Variants in WDFY1 observed in about 807,000 individuals in gnomAD.
The protein encoded by WDFY1 is WD repeat and FYVE domain-containing protein 1.
WDFY1 carries 32 observed loss-of-function variants against 56.4 expected under a neutral mutation model. The observed-to-expected ratio is 0.57, with a 90% CI of 0.43 to 0.76. The LOEUF is 0.76. Among genes scored for constraint, WDFY1 ranks in the 30% least tolerant of loss-of-function variants. WDFY1 has a pLI of 0.00. For synonymous variants in WDFY1, 192 were observed against 197.3 expected (o/e 0.97, Z 0.23); for missense variants, 480 against 545.7 (o/e 0.88, Z 1.20).
intron 1 of WDFY1, among the ~76,000 whole-genome samples, chr2:223,942,823 C>T (rs1457916694): frequency 2.0e-5 from 3 of 148,850 alleles, no homozygotes; most frequent in Non-Finnish European, 1.5e-5. Flanking sequence ...GCGTGAGCCA[C>T]CGCGCCCGGC....
intron 4 of WDFY1, among the ~76,000 whole-genome samples, chr2:223,901,688 T>C (rs1327035225): frequency 6.6e-6 from 1 of 152,118 alleles, no homozygotes; most frequent in Non-Finnish European, 1.5e-5. Context: ...AAAAACTGTA[T>C]GAACAAGAAC....
At chr2:223,917,230 C>G (rs1693803508) in intron 2 of WDFY1, among the ~76,000 whole-genome samples, 1 of 152,182 alleles carries the variant, frequency 6.6e-6, no homozygotes, top group South Asian at 2.1e-4. Context: ...TGGACCATGT[C>G]TCTCAATAGG....
intron 8 of WDFY1, among the ~76,000 whole-genome samples, chr2:223,887,552 T>G (rs1693192361): frequency 6.6e-6 from 1 of 152,254 alleles, no homozygotes; most frequent in South Asian, 2.1e-4. Context: ...AAGACCTGAC[T>G]TGCAAACTTG....
intron 5 of WDFY1, chr2:223,900,977 A>AGTGAAAT: frequency 1.9e-6 from 1 of 525,696 alleles, no homozygotes; most frequent in Non-Finnish European, 3.2e-6. Flanking sequence ...TCGGATTTTC[A>AGTGAAAT]GTGAAATATG....
Position 223,897,386 on chromosome 2 carries a change from A to ATTTTTTTTT in WDFY1, c.598+1571_598+1572insAAAAAAAAA, listed in dbSNP as rs1321548675. Among the ~76,000 whole-genome samples, 5 of 124,176 alleles carry ATTTTTTTTT rather than the reference A, an allele frequency of 4.0e-5. No individual in the cohort carries two copies. In the East Asian group the frequency reaches 6.9e-4, roughly 17 times the overall value. The allele number at this position is 124,176 out of a possible 152,430, so 81.5% of individuals were successfully genotyped here. On this transcript the variant is annotated intron_variant, in intron 6 of 11. Coordinates refer to ENST00000233055, the MANE Select transcript of WDFY1 (RefSeq NM_020830.5). ...TATATATATATATATATATATATAT[A>ATTTTTTTTT]TATATTTTTTAAGACGGAGTCTCTC...
At position 223,925,903 on chromosome 2, in the gene WDFY1, CTTCTAA is replaced by C. The variant is rs368593755; in HGVS notation, c.138-7899_138-7894del. On this transcript the variant is annotated intron_variant, in intron 1 of 11. Coordinates refer to ENST00000233055, the MANE Select transcript of WDFY1 (RefSeq NM_020830.5). ...AATTCAGTCACATCTATATGTTCCA[CTTCTAA>C]TTCTAATTCTCTTGCTATTTCCACA... 9.9e-3 allele frequency among the ~76,000 whole-genome samples: 1,505 copies of C among 152,330 alleles called. 11 individuals carry two copies. Among genetic ancestry groups the C allele is most frequent in the Middle Eastern group, 0.024 (7 of 294 alleles).
intron 7 of WDFY1, chr2:223,894,602 T>C (rs538237821): frequency 6.5e-6 from 3 of 461,344 alleles, no homozygotes; most frequent in South Asian, 4.6e-5. Context: ...ATGAGGGCTA[T>C]GGTTTTTGGG....
In WDFY1 at chr2:223,895,571, C is replaced by T; in HGVS notation, c.658G>A (p.Asp220Asn). Residue 220 changes from aspartate (D) to asparagine (N), a missense_variant, in exon 7 of 12, where the codon GAC (aspartate) becomes AAC (asparagine). Coordinates refer to ENST00000233055, the MANE Select transcript of WDFY1 (RefSeq NM_020830.5). ...IQRLLFSGAS[D>N]NSIIMWDIGG... Reference sequence around the variant, plus strand: ...ATGTCCCACATGATGATGCTGTTGTCAGATGCTCCTGAGAAGAGTAACCGC... The same window carrying T: ...ATGTCCCACATGATGATGCTGTTGTTAGATGCTCCTGAGAAGAGTAACCGC... 6 of 1,613,968 alleles carry T rather than the reference C, an allele frequency of 3.7e-6. No individual in the cohort carries two copies. The highest frequency in any genetic ancestry group is 5.1e-6 in the Non-Finnish European group (6 of 1,179,970).
At chr2:223,889,590 T>C (rs936157967) in intron 8 of WDFY1, among the ~76,000 whole-genome samples, 22 of 152,176 alleles carry the variant, frequency 1.4e-4, no homozygotes, top group African/African-American at 5.3e-4. Flanking sequence ...ATGTAAGACA[T>C]GACTTTGCTC....
intron 1 of WDFY1, among the ~76,000 whole-genome samples, chr2:223,920,936 C>T (rs533871237): frequency 6.6e-6 from 1 of 152,280 alleles, no homozygotes; most frequent in South Asian, 2.1e-4. Flanking sequence ...GGTTACCTTC[C>T]CTCAGAAGTC....
chr2:223,906,234 T>C (rs2106085403), intron 3 of WDFY1, among the ~76,000 whole-genome samples: 1 of 152,314 alleles, frequency 6.6e-6, no homozygotes, highest in South Asian at 2.1e-4. Context: ...CTGATCAGCA[T>C]GGGATTTGTG....
At chr2:223,941,215 C>T (rs1421755119) in intron 1 of WDFY1, among the ~76,000 whole-genome samples, 1 of 152,124 alleles carries the variant, frequency 6.6e-6, no homozygotes, top group Non-Finnish European at 1.5e-5. Flanking sequence ...CCTTGGCCTC[C>T]CAAAGTGCTG....
chr2:223,889,253 C>T (rs867642106), intron 8 of WDFY1, among the ~76,000 whole-genome samples: 3 of 152,066 alleles, frequency 2.0e-5, no homozygotes, highest in Admixed American at 6.6e-5. Context: ...GCAAGTGGTT[C>T]GTAGCAAGTC....
In WDFY1 at chr2:223,882,185, G is replaced by A. The variant is rs552378638; in HGVS notation, c.934-113C>T. On this transcript the variant is annotated intron_variant, in intron 9 of 11. Coordinates refer to ENST00000233055, the MANE Select transcript of WDFY1 (RefSeq NM_020830.5). ...GCTGGAGTGCAGTGGCGTGATCTCG[G>A]CTCACTGCAACCTCTGGCGCCCGGG... is the stretch of plus-strand genomic sequence containing the variant. 3.3e-4 allele frequency: 448 copies of A among 1,348,436 alleles called. 2 individuals are homozygous for A. The African/African-American group carries it at 5.0e-3, about 15-fold the overall frequency. 83.5% of individuals were successfully genotyped at this position (1,348,436 alleles called of 1,614,324 possible). A position where few individuals can be genotyped will look rare whatever the true frequency, so the allele number is the denominator to read the frequency against.
At position 223,895,507 on chromosome 2, in the gene WDFY1, T is replaced by C; in HGVS notation, c.722A>G (p.His241Arg). 6.2e-7 allele frequency: 1 copy of C among 1,613,966 alleles called. No homozygotes were observed. The highest frequency in any genetic ancestry group is 8.5e-7 in the Non-Finnish European group (1 of 1,179,894). The change falls in exon 7 of 12, where the codon CAT (histidine) becomes CGT (arginine). Residue 241 changes from histidine to arginine, a missense_variant. His to Arg is a conservative substitution (Grantham distance 29, BLOSUM62 0). Coordinates refer to ENST00000233055, the MANE Select transcript of WDFY1 (RefSeq NM_020830.5). ...ACCCCCACAAGTGGTCACGCACTGA[T>C]GGCCCTGAAGTAACAGCGTCCGGCC... ...RKGRTLLLQG[H>R]HDKVQSLCYL... is the part of the protein sequence containing the mutation.
At chr2:223,926,070 G>A (rs1287067181) in intron 1 of WDFY1, among the ~76,000 whole-genome samples, 1 of 152,150 alleles carries the variant, frequency 6.6e-6, no homozygotes, top group Non-Finnish European at 1.5e-5. Context: ...ATCTAGAATG[G>A]TGAATCCTTT....
intron 8 of WDFY1, among the ~76,000 whole-genome samples, chr2:223,893,224 T>C (rs1040661285): frequency 6.6e-6 from 1 of 151,944 alleles, no homozygotes; most frequent in African/African-American, 2.4e-5. Context: ...CTTCAAAATA[T>C]TTAAAAAAGA....
intron 1 of WDFY1, among the ~76,000 whole-genome samples, 174 bp from the exon 2 acceptor site, chr2:223,918,184 A>G: frequency 6.6e-6 from 1 of 152,042 alleles, no homozygotes; most frequent in Non-Finnish European, 1.5e-5. Context: ...TATATAGTAT[A>G]TAACATATAT....
intron 1 of WDFY1, among the ~76,000 whole-genome samples, chr2:223,924,057 C>A (rs1693936168): frequency 6.6e-6 from 1 of 152,186 alleles, no homozygotes; most frequent in Non-Finnish European, 1.5e-5. Context: ...AAAACCACAA[C>A]CTTAGAAACG....
Sources: allele counts gnomAD v4.1 joint callset (sites outside exome capture counted in the v4.1 genomes callset), GRCh38; gene constraint gnomAD v4.1.1; transcripts MANE v1.5; gene names NCBI Gene and HGNC (gene_info 2026-07-23, HGNC 2026-07-21).